RBFOX1: variants seen among roughly 807,000 people sequenced by gnomAD.
The protein encoded by RBFOX1 is RNA binding protein fox-1 homolog 1.
In RBFOX1, 8 loss-of-function variants were observed where a neutral mutation model predicts 57.7. The ratio of observed to expected loss-of-function variants is 0.14; its 90% CI spans 0.08 to 0.25. RBFOX1 has a LOEUF of 0.25. Ranked by LOEUF, RBFOX1 falls within the 10% of genes least tolerant of loss-of-function variation. The pLI is 1.00. For missense variants in RBFOX1, 611 were observed against 548.5 expected, an observed-to-expected ratio of 1.11 and a Z score of -1.14; for synonymous variants, 326 against 222.4, an observed-to-expected ratio of 1.47 and a Z score of -4.15.
downstream of RBFOX1, chr16:5,601,791 G>A (rs1275080649): frequency 6.6e-6 from 1 of 152,204 alleles, no homozygotes; most frequent in African/African-American, 2.4e-5. Flanking sequence ...GAAAGTAGTT[G>A]AAAAAGTTAA....
chr16:6,823,103 G>C (rs990517972), intron 3 of RBFOX1, among the ~76,000 whole-genome samples: 20 of 152,148 alleles, frequency 1.3e-4, no homozygotes, highest in African/African-American at 4.6e-4. Context: ...CTGAGCATCA[G>C]AGGGTCATAG....
chr16:7,365,493 C>T (rs2146960602), intron 4 of RBFOX1, among the ~76,000 whole-genome samples: 1 of 152,220 alleles, frequency 6.6e-6, no homozygotes, highest in East Asian at 1.9e-4. Flanking sequence ...TTTTTTTCCC[C>T]CCCACAGGGA....
At chr16:7,049,399 C>T (rs1239706551) in intron 3 of RBFOX1, among the ~76,000 whole-genome samples, 1 of 151,980 alleles carries the variant, frequency 6.6e-6, no homozygotes, top group African/African-American at 2.4e-5. Flanking sequence ...ATGAACACTA[C>T]CCTGAGATTG....
At chr16:5,977,627 AG>A (rs550408258) in intron 4 of RBFOX1, among the ~76,000 whole-genome samples, 335 of 152,184 alleles carry the variant, frequency 2.2e-3, no homozygotes, top group African/African-American at 7.8e-3. Context: ...TTACTATGAG[AG>A]GGGAGAGCAG....
At chr16:7,281,913 A>G (rs896655005) in intron 4 of RBFOX1, among the ~76,000 whole-genome samples, 10 of 152,200 alleles carry the variant, frequency 6.6e-5, no homozygotes, top group African/African-American at 1.9e-4. Context: ...CAGGATGGAC[A>G]GGAGGTCAGT....
At chr16:7,584,884 G>A (rs2094011613) in intron 6 of RBFOX1, among the ~76,000 whole-genome samples, 2 of 152,166 alleles carry the variant, frequency 1.3e-5, no homozygotes, top group South Asian at 4.1e-4. Flanking sequence ...AACAGCAACT[G>A]CCACAGAAGC....
In RBFOX1 at chr16:6,281,499, G is replaced by A. The variant is rs148427771; in HGVS notation, c.-126-35496G>A. On this transcript the variant is annotated intron_variant, in intron 1 of 15. Transcript: ENST00000550418. ...CATGGGAGAAAACAGCTTCCACCGA[G>A]GGTGTGGGCCCCAAAGTGCTTTGTT... 9.9e-4 allele frequency among the ~76,000 whole-genome samples: 150 copies of A among 152,216 alleles called. 3 individuals are homozygous for A. The highest frequency in any genetic ancestry group is 3.5e-3 in the African/African-American group (147 of 41,526).
chr16:5,761,904 C>A (rs977749442), intron 3 of RBFOX1, among the ~76,000 whole-genome samples: 2 of 152,072 alleles, frequency 1.3e-5, no homozygotes, highest in African/African-American at 4.8e-5. Flanking sequence ...TTCCCCTGAC[C>A]CCTATCAAAG....
intron 3 of RBFOX1, among the ~76,000 whole-genome samples, chr16:5,653,622 C>T (rs900109874): frequency 6.6e-6 from 1 of 152,130 alleles, no homozygotes; most frequent in African/African-American, 2.4e-5. Flanking sequence ...GCTAACAGAC[C>T]AGAAGCCTGT....
chr16:7,536,817 C>A (rs1017793967), intron 5 of RBFOX1, among the ~76,000 whole-genome samples: 1 of 152,158 alleles, frequency 6.6e-6, no homozygotes, highest in Non-Finnish European at 1.5e-5. Flanking sequence ...ACACTATGGG[C>A]ATTGGCAATG....
At chr16:6,426,592 G>T (rs576407658) in intron 2 of RBFOX1, among the ~76,000 whole-genome samples, 2 of 152,136 alleles carry the variant, frequency 1.3e-5, no homozygotes, top group South Asian at 4.2e-4. Flanking sequence ...GATTGTCCCA[G>T]TGCACTCCAG....
chr16:7,371,286 A>C (rs1206061535), intron 4 of RBFOX1, among the ~76,000 whole-genome samples: 1 of 152,236 alleles, frequency 6.6e-6, no homozygotes, highest in South Asian at 2.1e-4. Context: ...GAGATTAACC[A>C]GTAAACTTTT....
intron 4 of RBFOX1, among the ~76,000 whole-genome samples, chr16:7,430,459 A>G (rs1217833424): frequency 6.6e-6 from 1 of 152,184 alleles, no homozygotes; most frequent in Non-Finnish European, 1.5e-5. Context: ...GAGGAAATCA[A>G]GACCATCCTG....
intron 3 of RBFOX1, among the ~76,000 whole-genome samples, chr16:6,707,071 A>T (rs903007120): frequency 6.6e-6 from 1 of 152,212 alleles, no homozygotes; most frequent in Admixed American, 6.5e-5. Context: ...TCATTTTGGT[A>T]TAATCTCTTT....
chr16:7,066,726 G>A (rs1012100223), intron 4 of RBFOX1, among the ~76,000 whole-genome samples: 1 of 152,134 alleles, frequency 6.6e-6, no homozygotes, highest in African/African-American at 2.4e-5. Context: ...TGAGTGGATT[G>A]GTGGTTGAAA....
intron 4 of RBFOX1, among the ~76,000 whole-genome samples, chr16:7,515,835 C>CGTTGTTGTT (rs139201687): frequency 3.3e-5 from 5 of 151,230 alleles, no homozygotes; most frequent in African/African-American, 9.7e-5. Flanking sequence ...AGTGGCAGTT[C>CGTTGTTGTT]GTTGTTGTTG....
At chr16:7,288,520 A>C (rs1365867163) in intron 4 of RBFOX1, among the ~76,000 whole-genome samples, 1 of 152,198 alleles carries the variant, frequency 6.6e-6, no homozygotes, top group Non-Finnish European at 1.5e-5. Context: ...GTGTCTACAC[A>C]CAGTAAATGC....
chr16:5,519,297 T>G (rs1046990712), intron 2 of RBFOX1, among the ~76,000 whole-genome samples: 4 of 152,222 alleles, frequency 2.6e-5, no homozygotes, highest in African/African-American at 9.6e-5. Flanking sequence ...CATGGTTGTT[T>G]TTCATGTCCT....
At chr16:5,884,221 C>G (rs1008226701) in intron 4 of RBFOX1, among the ~76,000 whole-genome samples, 2 of 152,116 alleles carry the variant, frequency 1.3e-5, no homozygotes, top group Non-Finnish European at 2.9e-5. Context: ...GATGATAACT[C>G]CCCCATAGAG....
Sources: allele counts gnomAD v4.1 joint callset (sites outside exome capture counted in the v4.1 genomes callset), GRCh38; gene constraint gnomAD v4.1.1; transcripts MANE v1.5; gene names NCBI Gene and HGNC (gene_info 2026-07-23, HGNC 2026-07-21).